Variants in MLIP observed in about 807,000 individuals in gnomAD.
MLIP encodes the protein muscular LMNA interacting protein, also known as muscular LMNA-interacting protein.
MLIP carries 79 observed loss-of-function variants against 84.8 expected under a neutral mutation model. That is an observed-to-expected ratio of 0.93 (90% CI 0.78 to 1.12). The LOEUF (loss-of-function observed/expected upper bound fraction) is 1.12. Ranked by LOEUF, MLIP falls within the 50% of genes most tolerant of loss-of-function variation. The probability of loss-of-function intolerance (pLI) is 0.00; values close to 1 mark genes in which losing one functional copy is unlikely to be tolerated. For synonymous variants in MLIP, 504 were observed against 463.0 expected (o/e 1.09, Z -1.14); for missense variants, 1,257 against 1,160.6 (o/e 1.08, Z -1.21).
chr6:54,044,366 T>C (rs1764914484), intron 1 of MLIP, among the ~76,000 whole-genome samples: 1 of 152,236 alleles, frequency 6.6e-6, no homozygotes, highest in African/African-American at 2.4e-5. Context: ...GGATGCTATT[T>C]GTGTGATGTG....
At chr6:54,216,371 C>G (rs1779853929) in intron 11 of MLIP, 1 of 985,288 alleles carries the variant, frequency 1.0e-6, no homozygotes, top group African/African-American at 1.7e-5. Context: ...AATAAAAGAC[C>G]AGAATCCAAC....
At chr6:54,104,013 C>T (rs531954465) in intron 1 of MLIP, among the ~76,000 whole-genome samples, 2 of 152,168 alleles carry the variant, frequency 1.3e-5, no homozygotes, top group East Asian at 3.9e-4. Flanking sequence ...TTAAAATAAT[C>T]AATTAAACCC....
chr6:54,198,950 C>T (rs533617261), intron 10 of MLIP, among the ~76,000 whole-genome samples: 1 of 151,426 alleles, frequency 6.6e-6, no homozygotes, highest in Non-Finnish European at 1.5e-5. Context: ...TGGATGTGTA[C>T]AGTCACCAGG....
chr6:54,206,456 T>C (rs1779041051), intron 11 of MLIP, among the ~76,000 whole-genome samples: 1 of 152,124 alleles, frequency 6.6e-6, no homozygotes. Context: ...CTTTCCAGCA[T>C]GTATGCCTCT....
chr6:54,207,674 A>T (rs1401882437), intron 11 of MLIP, among the ~76,000 whole-genome samples: 1 of 152,226 alleles, frequency 6.6e-6, no homozygotes, highest in Non-Finnish European at 1.5e-5. Context: ...CTTAACAAAT[A>T]GTTGGTGGAT....
chr6:54,229,614 G>A (rs1007296500), intron 11 of MLIP, among the ~76,000 whole-genome samples: 3 of 152,168 alleles, frequency 2.0e-5, no homozygotes, highest in African/African-American at 4.8e-5. Context: ...GGGAGAACAT[G>A]TGGTGTTTGG....
chr6:54,100,131 C>G (rs931212168), intron 1 of MLIP, among the ~76,000 whole-genome samples: 11 of 152,084 alleles, frequency 7.2e-5, no homozygotes, highest in Non-Finnish European at 1.2e-4. Context: ...GAAAGCTTAT[C>G]ACATGGTGCT....
In MLIP at chr6:54,064,239, C is replaced by T. The variant is rs1437623571; in HGVS notation, c.63+45148C>T. On this transcript the variant is annotated intron_variant, in intron 1 of 12. Transcript: ENST00000274897. ...GTACACGTTTATTTGTCACCTAGGG[C>T]ATGTGATTAGATTTATTTGATTTTG... is the stretch of plus-strand genomic sequence containing the variant. Among the ~76,000 whole-genome samples the T allele has an allele frequency of 2.0e-5, 2 of 99,978 alleles. 1 individual carries two copies. Among genetic ancestry groups the T allele is most frequent in the Non-Finnish European group, 5.8e-5 (2 of 34,760 alleles). The allele number at this position is 99,978 out of a possible 152,430, so 65.6% of individuals were successfully genotyped here.
At chr6:54,194,606 T>A (rs1463654326) in intron 10 of MLIP, among the ~76,000 whole-genome samples, 1 of 152,138 alleles carries the variant, frequency 6.6e-6, no homozygotes, top group African/African-American at 2.4e-5. Context: ...GTCTAGATCA[T>A]TTAGAATCAA....
At chr6:54,172,888 TC>T in intron 9 of MLIP, among the ~76,000 whole-genome samples, 1 of 151,706 alleles carries the variant, frequency 6.6e-6, no homozygotes, top group Non-Finnish European at 1.5e-5. Context: ...TCCGTGGTCT[TC>T]TTAAAATGCA....
chr6:54,168,022 C>A (rs1388107991), intron 8 of MLIP, among the ~76,000 whole-genome samples: 1 of 151,872 alleles, frequency 6.6e-6, no homozygotes, highest in African/African-American at 2.4e-5. Context: ...AGGTTCCCAT[C>A]CTCTTTTGAT....
At chr6:54,240,514 A>G (rs1781664373) in intron 12 of MLIP, among the ~76,000 whole-genome samples, 1 of 152,142 alleles carries the variant, frequency 6.6e-6, no homozygotes, top group African/African-American at 2.4e-5. Context: ...TTTTGTGTGC[A>G]TATGACATAA....
chr6:54,254,847 A>T (rs1782897453), intron 12 of MLIP, among the ~76,000 whole-genome samples: 1 of 140,958 alleles, frequency 7.1e-6, no homozygotes, highest in Non-Finnish European at 1.5e-5. Flanking sequence ...CTTCCAATCC[A>T]CATATTTCGA....
chr6:54,219,867 C>CT (rs1780108508), intron 11 of MLIP, among the ~76,000 whole-genome samples: 1 of 152,128 alleles, frequency 6.6e-6, no homozygotes, highest in Non-Finnish European at 1.5e-5. Context: ...CCTGTTGTAT[C>CT]TTATTGCACT....
chr6:54,245,795 G>A (rs1050843301), intron 12 of MLIP, among the ~76,000 whole-genome samples: 1 of 152,018 alleles, frequency 6.6e-6, no homozygotes, highest in Admixed American at 6.6e-5. Flanking sequence ...TTGCCGTAAT[G>A]TATTTTGTGA....
chr6:54,120,294 G>A (rs970822503), intron 1 of MLIP, among the ~76,000 whole-genome samples: 5 of 151,978 alleles, frequency 3.3e-5, no homozygotes, highest in African/African-American at 1.2e-4. Context: ...GAGTGCAGTG[G>A]CACGATCTCG....
intron 8 of MLIP, among the ~76,000 whole-genome samples, chr6:54,165,455 C>T (rs1386274196): frequency 2.0e-5 from 3 of 151,944 alleles, no homozygotes; most frequent in East Asian, 3.9e-4. Context: ...TTGTCTTCAT[C>T]GTTACCTCTT....
intron 3 of MLIP, among the ~76,000 whole-genome samples, chr6:54,132,329 G>T (rs892780096): frequency 2.0e-5 from 3 of 152,152 alleles, no homozygotes; most frequent in Non-Finnish European, 4.4e-5. Flanking sequence ...AATTAAAAAG[G>T]ATAAGTACAT....
chr6:54,187,544 G>T (rs2150663508), intron 9 of MLIP, among the ~76,000 whole-genome samples: 1 of 152,268 alleles, frequency 6.6e-6, no homozygotes, highest in Admixed American at 6.5e-5. Context: ...CAATTATTAA[G>T]ACGTTAACTT....
Sources: gnomAD v4.1 joint callset for allele counts (sites outside exome capture counted in the v4.1 genomes callset) on GRCh38, gnomAD v4.1.1 for gene constraint, MANE v1.5 for transcripts, NCBI Gene and HGNC (gene_info 2026-07-23, HGNC 2026-07-21) for gene names.